GPR139: variants seen among roughly 807,000 people sequenced by gnomAD.
GPR139 encodes the protein probable G protein-coupled receptor 139.
GPR139 carries 12 observed loss-of-function variants against 25.8 expected under a neutral mutation model. The ratio of observed to expected loss-of-function variants is 0.47; its 90% confidence interval spans 0.30 to 0.75. The LOEUF (loss-of-function observed/expected upper bound fraction) is 0.75. Among genes scored for constraint, GPR139 ranks in the 30% least tolerant of loss-of-function variants. GPR139 has a pLI of 0.07. For synonymous variants in GPR139, 184 were observed against 179.9 expected (o/e 1.02, Z -0.18); for missense variants, 380 against 450.2 (o/e 0.84, Z 1.41).
intron 1 of GPR139, among the ~76,000 whole-genome samples, chr16:20,072,070 G>T (rs556535685): frequency 6.6e-6 from 1 of 152,168 alleles, no homozygotes; most frequent in Non-Finnish European, 1.5e-5. Flanking sequence ...GGGCTGAAGG[G>T]GGGAGGTGGA....
At position 20,058,439 on chromosome 16, in the gene GPR139, AGC is replaced by A. The variant is rs141865200; in HGVS notation, c.127+15049_127+15050del. On this transcript the variant is annotated intron_variant, in intron 1 of 1. Coordinates refer to ENST00000570682, the MANE Select transcript of GPR139 (RefSeq NM_001002911.4). ...CTACAGGGGCAAGGCAGGGAACAGA[AGC>A]GAGAGAAACAGATCAGGTGTAAGAA... 4.9e-3 allele frequency among the ~76,000 whole-genome samples: 751 copies of A among 152,332 alleles called. 6 individuals are homozygous for A. The highest frequency in any genetic ancestry group is 0.017 in the African/African-American group (726 of 41,572).
At chr16:20,044,994 ATTTTTTTTTTTTTTTT>A (rs10581585) in intron 1 of GPR139, among the ~76,000 whole-genome samples, 2 of 86,330 alleles carry the variant, frequency 2.3e-5, no homozygotes, top group African/African-American at 9.7e-5. Flanking sequence ...CACTTGCACT[ATTTTTTTTTTTTTTTT>A]TTTTTTTTAG....
At chr16:20,069,556 C>A (rs541599596) in intron 1 of GPR139, among the ~76,000 whole-genome samples, 8 of 152,132 alleles carry the variant, frequency 5.3e-5, no homozygotes, top group Non-Finnish European at 1.0e-4. Flanking sequence ...CATCTTGCAC[C>A]AACTCTCAAA....
intron 1 of GPR139, among the ~76,000 whole-genome samples, chr16:20,062,991 G>T (rs72772768): frequency 0.041 from 6,172 of 152,274 alleles, 151 homozygotes; most frequent in Non-Finnish European, 0.056. Context: ...GATTGAAAGA[G>T]TAGATTCACA....
intron 1 of GPR139, among the ~76,000 whole-genome samples, chr16:20,053,395 C>T (rs569568779): frequency 6.6e-6 from 1 of 152,200 alleles, no homozygotes; most frequent in South Asian, 2.1e-4. Flanking sequence ...CCAGGGTTTC[C>T]TTGAATAAAT....
At chr16:20,052,689 C>T (rs1177180573) in intron 1 of GPR139, among the ~76,000 whole-genome samples, 2 of 149,528 alleles carry the variant, frequency 1.3e-5, no homozygotes, top group Non-Finnish European at 3.0e-5. Context: ...CCCAGCCACT[C>T]GGGAGGCTGA....
At chr16:20,044,448 A>G (rs1293138322) in intron 1 of GPR139, among the ~76,000 whole-genome samples, 1 of 152,174 alleles carries the variant, frequency 6.6e-6, no homozygotes, top group Non-Finnish European at 1.5e-5. Context: ...GTGAGTTCAT[A>G]ATAGGCAATA....
intron 1 of GPR139, among the ~76,000 whole-genome samples, chr16:20,064,781 C>T (rs901576603): frequency 2.6e-5 from 4 of 152,234 alleles, no homozygotes; most frequent in Non-Finnish European, 4.4e-5. Flanking sequence ...AACAACGAGG[C>T]GGGAATTTGA....
At chr16:20,036,032 T>C (rs2057308747) in intron 1 of GPR139, among the ~76,000 whole-genome samples, 1 of 152,164 alleles carries the variant, frequency 6.6e-6, no homozygotes, top group South Asian at 2.1e-4. Context: ...ACACATAAAG[T>C]CTGTACTCAG....
chr16:20,069,045 G>T (rs2057448733), intron 1 of GPR139, among the ~76,000 whole-genome samples: 1 of 151,976 alleles, frequency 6.6e-6, no homozygotes, highest in Admixed American at 6.6e-5. Flanking sequence ...GATGATTTTT[G>T]TGTCTATGTT....
intron 1 of GPR139, among the ~76,000 whole-genome samples, chr16:20,034,887 T>C (rs1239898526): frequency 6.6e-6 from 1 of 152,134 alleles, no homozygotes; most frequent in Non-Finnish European, 1.5e-5. Flanking sequence ...TTATATTAAA[T>C]ATGTTCATTC....
Position 20,030,599 on chromosome 16 carries a change from C to CA in GPR139, c.*1135_*1136insT, listed in dbSNP as rs58083910. On this transcript the variant is annotated 3_prime_UTR_variant, in exon 2 of 2. Coordinates refer to ENST00000570682, the MANE Select transcript of GPR139 (RefSeq NM_001002911.4). The stretch of plus-strand genomic sequence containing the variant: ...AAATAGCTTTACCAAGAACTGGCAC[C>CA]CCCTTTTGAGCCATGTGCGTCAAAG... Among the ~76,000 whole-genome samples the CA allele has an allele frequency of 1, 151,628 of 152,350 alleles. 75,479 individuals carry two copies. The highest frequency in any genetic ancestry group is 1 in the Middle Eastern group (294 of 294).
rs1003961744 is a variant in GPR139, at chr16:20,032,446, C to A, written c.351G>T (p.Trp117Cys). The A allele has an allele frequency of 6.2e-7, 1 of 1,614,122 alleles. No individual in the cohort carries two copies. ...LEFSSIHTSI[W>C]ITVPLTIDRY... ...TGTCAATGGTTAACGGTACAGTAATCCATATGGAGGTGTGGATGGATGAGA... is the reference window on the plus strand; with the variant it reads ...TGTCAATGGTTAACGGTACAGTAATACATATGGAGGTGTGGATGGATGAGA... Residue 117 changes from tryptophan to cysteine, a missense_variant, in exon 2 of 2, where the codon TGG (tryptophan) becomes TGT (cysteine). Transcript: ENST00000570682.
intron 1 of GPR139, among the ~76,000 whole-genome samples, chr16:20,066,197 A>G (rs1381380798): frequency 6.6e-6 from 1 of 152,224 alleles, no homozygotes; most frequent in Non-Finnish European, 1.5e-5. Context: ...CTATCATTTC[A>G]TGGTGCCCTC....
At position 20,031,913 on chromosome 16, in the gene GPR139, A is replaced by G. The variant is rs749523304; in HGVS notation, c.884T>C (p.Met295Thr). 1.1e-5 allele frequency: 17 copies of G among 1,614,150 alleles called. No homozygotes were observed. Among genetic ancestry groups the G allele is most frequent in the African/African-American group, 4.0e-5 (3 of 74,950 alleles). ...GAAAGCCTTGAGCGTGGCGGCTGCC[A>G]TGGTGCGGAACCGCTTGCTGATGAA... ...YCFISKRFRT[M>T]AAATLKAFFK... Residue 295 changes from methionine (M) to threonine (T), a missense_variant, in exon 2 of 2, where the codon ATG (methionine) becomes ACG (threonine). Met to Thr is a moderately conservative substitution (Grantham distance 81). Coordinates refer to ENST00000570682, the MANE Select transcript of GPR139 (RefSeq NM_001002911.4).
chr16:20,043,747 G>A (rs2057344567), intron 1 of GPR139, among the ~76,000 whole-genome samples: 1 of 152,212 alleles, frequency 6.6e-6, no homozygotes, highest in Non-Finnish European at 1.5e-5. Context: ...TTCATACCAA[G>A]TGATGAATGC....
intron 1 of GPR139, among the ~76,000 whole-genome samples, chr16:20,045,829 G>A (rs2057352586): frequency 1.3e-5 from 2 of 152,140 alleles, no homozygotes; most frequent in Admixed American, 6.5e-5. Flanking sequence ...TTTGCCCCAC[G>A]TGCTCAGCTT....
rs1219669980 is a variant in GPR139, at chr16:20,029,299, A to G, written c.*2436T>C. On this transcript the variant is annotated 3_prime_UTR_variant, in exon 2 of 2. Transcript: ENST00000570682. ...CACACCCAGTTTTTAAACATCAACA[A>G]TTAATTGTTACACACAATTAAAAAT... 6.6e-6 allele frequency among the ~76,000 whole-genome samples: 1 copy of G among 152,096 alleles called. No homozygotes were observed. The highest frequency in any genetic ancestry group is 1.5e-5 in the Non-Finnish European group (1 of 68,038).
chr16:20,038,862 GA>G (rs1252377329), intron 1 of GPR139, among the ~76,000 whole-genome samples: 1 of 152,170 alleles, frequency 6.6e-6, no homozygotes, highest in Non-Finnish European at 1.5e-5. Context: ...TCCCCAAAGG[GA>G]AAGAGTGATG....
Sources: allele counts gnomAD v4.1 joint callset (sites outside exome capture counted in the v4.1 genomes callset), GRCh38; gene constraint gnomAD v4.1.1; transcripts MANE v1.5; gene names NCBI Gene and HGNC (gene_info 2026-07-23, HGNC 2026-07-21).